Variants in SSX5 observed in about 807,000 individuals in gnomAD.
SSX5 encodes the protein protein SSX5.
A neutral mutation model predicts 14.9 loss-of-function variants in SSX5; 14 were observed. The ratio of observed to expected loss-of-function variants is 0.94; its 90% confidence interval spans 0.62 to 1.47. The LOEUF is 1.47. SSX5 is among the 40% of genes most tolerant of loss of function. The pLI, the probability that SSX5 is intolerant of heterozygous loss-of-function variation, is 0.00. For missense variants in SSX5, 204 were observed against 154.6 expected, an observed-to-expected ratio of 1.32 and a Z score of -1.70; for synonymous variants, 70 against 55.4, an observed-to-expected ratio of 1.26 and a Z score of -1.17.
Position 48,186,531 on chromosome X carries a change from G to A in SSX5, c.*330C>T, listed in dbSNP as rs1373453038. 1 of 405,643 alleles carries A rather than the reference G, an allele frequency of 2.5e-6. No homozygotes were observed. Among genetic ancestry groups the A allele is most frequent in the Non-Finnish European group, 4.3e-6 (1 of 231,379 alleles). 33.4% of individuals were successfully genotyped at this position (405,643 alleles called of 1,213,427 possible). ...ACATCTGGGAAGAGAGGAGGGTAGT[G>A]TTGTTCTATGCAGAGAATACCTGAC... On this transcript the variant is annotated 3_prime_UTR_variant, in exon 8 of 8. Coordinates refer to ENST00000347757, the MANE Select transcript of SSX5 (RefSeq NM_175723.2).
chrX:48,192,359 C>A, intron 4 of SSX5, 78 bp from the exon 5 acceptor site: 3 of 1,161,990 alleles, frequency 2.6e-6, no homozygotes, highest in East Asian at 6.0e-5. Flanking sequence ...TGCATGAGGG[C>A]ATTCTGCAGC....
chrX:48,195,182 G>A (rs1263304744), intron 2 of SSX5, 108 bp downstream of exon 2: 10 of 1,207,640 alleles, frequency 8.3e-6, no homozygotes, highest in Admixed American at 2.2e-5. Flanking sequence ...AGATGTCCCC[G>A]GAGACCCTGG....
intron 7 of SSX5, among the ~76,000 whole-genome samples, 155 bp downstream of exon 7, chrX:48,187,472 A>T (rs782302531): frequency 9.0e-6 from 1 of 110,724 alleles, no homozygotes; most frequent in Non-Finnish European, 1.9e-5. Flanking sequence ...CACAAAAAAA[A>T]ACATGGGAAA....
At chrX:48,195,691 C>T (rs149301567) in intron 1 of SSX5, among the ~76,000 whole-genome samples, 203 of 111,176 alleles carry the variant, frequency 1.8e-3, no homozygotes, top group African/African-American at 6.3e-3. Flanking sequence ...GATGTACAGA[C>T]CCTTGTTGGG....
chrX:48,188,107 A>C (rs2059405985), intron 6 of SSX5, among the ~76,000 whole-genome samples: 1 of 110,054 alleles, frequency 9.1e-6, no homozygotes, highest in Non-Finnish European at 1.9e-5. Context: ...CAGATGTTGC[A>C]ATTTTTTTTT....
chrX:48,196,246 G>A (rs1171015977), intron 1 of SSX5, among the ~76,000 whole-genome samples: 2 of 111,252 alleles, frequency 1.8e-5, no homozygotes, highest in Non-Finnish European at 3.8e-5. Flanking sequence ...TCAACATAGC[G>A]AAACAATTTC....
Position 48,186,403 on chromosome X carries a change from T to TGTGTGTGTGTGTGTGTGCGCGCGC in SSX5, c.*457_*458insGCGCGCGCACACACACACACACAC, listed in dbSNP as rs1327257757. The TGTGTGTGTGTGTGTGTGCGCGCGC allele has an allele frequency of 3.2e-5, 4 of 126,228 alleles. No individual in the cohort carries two copies. Among genetic ancestry groups the TGTGTGTGTGTGTGTGTGCGCGCGC allele is most frequent in the African/African-American group, 1.6e-4 (4 of 24,995 alleles). 10.4% of individuals were successfully genotyped at this position (126,228 alleles called of 1,213,427 possible). A position where few individuals can be genotyped will look rare whatever the true frequency, so the allele number is the denominator to read the frequency against. On this transcript the variant is annotated 3_prime_UTR_variant, in exon 8 of 8. Transcript: ENST00000347757. ...GTGTGTGTGTGTGTGTGTGTGTGTGTGCGCGCGCGCGCGCATGTGTGTCTG... is the reference window on the plus strand; with the variant it reads ...GTGTGTGTGTGTGTGTGTGTGTGTGTGTGTGTGTGTGTGTGTGCGCGCGCGCGCGCGCGCGCGCATGTGTGTCTG...
At chrX:48,193,972 T>A (rs1433887518) in intron 4 of SSX5, among the ~76,000 whole-genome samples, 157 bp downstream of exon 4, 1 of 110,257 alleles carries the variant, frequency 9.1e-6, no homozygotes, top group Non-Finnish European at 1.9e-5. Flanking sequence ...TTTATATGAA[T>A]GGCCTCTGTA....
intron 5 of SSX5, among the ~76,000 whole-genome samples, chrX:48,191,988 G>A (rs2059421725): frequency 8.9e-6 from 1 of 112,009 alleles, no homozygotes; most frequent in South Asian, 3.7e-4. Flanking sequence ...GTCTTCTTAA[G>A]GATTAAATAA....
chrX:48,191,319 A>T (rs2059419167), intron 5 of SSX5, among the ~76,000 whole-genome samples: 1 of 111,782 alleles, frequency 8.9e-6, no homozygotes, highest in African/African-American at 3.2e-5. Context: ...AGTAATAATA[A>T]CAATTAATAC....
chrX:48,194,922 T>C (rs2059434714), intron 2 of SSX5, 68 bp from the exon 3 acceptor site: 7 of 1,207,484 alleles, frequency 5.8e-6, no homozygotes, highest in Non-Finnish European at 7.8e-6. Context: ...CTGGAGCCGC[T>C]TCCTGTGTGC....
chrX:48,187,522 T>G, intron 7 of SSX5, 105 bp downstream of exon 7: 1 of 986,819 alleles, frequency 1.0e-6, no homozygotes, highest in Non-Finnish European at 1.4e-6. Context: ...TAGAAAATTA[T>G]GAGAAGGGAA....
rs781917277 is a variant in SSX5 at position 48,187,610 on chromosome X, G to A, written c.*4+17C>T. The A allele has an allele frequency of 8.3e-7, 1 of 1,201,739 alleles. No homozygotes were observed. Among genetic ancestry groups the A allele is most frequent in the East Asian group, 3.0e-5 (1 of 33,815 alleles). On this transcript the variant is annotated intron_variant, in intron 7 of 7. Coordinates refer to ENST00000347757, the MANE Select transcript of SSX5 (RefSeq NM_175723.2). ...ACATCTGCAAGGATGTGGGAGATGA[G>A]CCAAAGGTTCACTTACGGAGTTACT...
intron 7 of SSX5, among the ~76,000 whole-genome samples, chrX:48,187,220 C>T (rs782042733): frequency 1.6e-4 from 18 of 111,140 alleles, no homozygotes; most frequent in Non-Finnish European, 3.2e-4. Flanking sequence ...CTTTGGGAGG[C>T]GGAGGCAGAT....
At chrX:48,191,716 C>T (rs1432214580) in intron 5 of SSX5, among the ~76,000 whole-genome samples, 1 of 112,223 alleles carries the variant, frequency 8.9e-6, no homozygotes, top group Admixed American at 9.5e-5. Context: ...CTTTAAATGG[C>T]TTGGAGCTCT....
At chrX:48,195,265 C>G (rs1452833892) in intron 2 of SSX5, 25 bp downstream of exon 2, 1 of 1,206,642 alleles carries the variant, frequency 8.3e-7, no homozygotes, top group African/African-American at 1.8e-5. Flanking sequence ...TGGGCCACTA[C>G]TATGCCCCCT....
intron 2 of SSX5, 140 bp downstream of exon 2, chrX:48,195,150 A>G (rs1556925579): frequency 1.7e-6 from 2 of 1,211,315 alleles, no homozygotes; most frequent in African/African-American, 1.7e-5. Flanking sequence ...ACAGAGCGAG[A>G]GTGAGAGGCT....
Position 48,186,381 on chromosome X carries a change from T to C in SSX5, c.*480A>G, listed in dbSNP as rs868958416. The C allele has an allele frequency of 0.013, 2,769 of 215,191 alleles. 100 individuals carry two copies. Among genetic ancestry groups the C allele is most frequent in the African/African-American group, 0.084 (2,632 of 31,520 alleles). The allele number at this position is 215,191 out of a possible 1,213,427, so 17.7% of individuals were successfully genotyped here. On this transcript the variant is annotated 3_prime_UTR_variant, in exon 8 of 8. Transcript: ENST00000347757. The stretch of plus-strand genomic sequence containing the variant: ...CTGGTACTTGGTGTGTGTGTGTGTG[T>C]GTGTGTGTGTGTGTGTGTGTGTGCG...
chrX:48,194,779 C>T lies in SSX5; in HGVS notation c.145G>A (p.Val49Met). The change falls in exon 3 of 8, where the codon GTG (valine) becomes ATG (methionine). Residue 49 changes from valine (V) to methionine (M), a missense_variant. Val to Met is a conservative substitution (Grantham distance 21). Coordinates refer to ENST00000347757, the MANE Select transcript of SSX5 (RefSeq NM_175723.2). ...GCCTCATACTTTCTCTTCATATACA[C>T]ATAGATGATTTTCTCCGAGGCTTTC... ...KMKASEKIIY[V>M]YMKRKYEAMT... The T allele has an allele frequency of 8.3e-7, 1 of 1,210,671 alleles. No homozygotes were observed. Among genetic ancestry groups the T allele is most frequent in the East Asian group, 3.0e-5 (1 of 33,834 alleles).
Sources: gnomAD v4.1 joint callset for allele counts (sites outside exome capture counted in the v4.1 genomes callset) on GRCh38, gnomAD v4.1.1 for gene constraint, MANE v1.5 for transcripts, NCBI Gene and HGNC (gene_info 2026-07-23, HGNC 2026-07-21) for gene names.